PTPN20: variants seen among roughly 807,000 people sequenced by gnomAD.
The protein encoded by PTPN20 is tyrosine-protein phosphatase non-receptor type 20.
In PTPN20, 9 loss-of-function variants were observed where a neutral mutation model predicts 35.0. That is an observed-to-expected ratio of 0.26 (90% confidence interval 0.15 to 0.45). PTPN20 has a LOEUF of 0.45. Ranked by LOEUF, PTPN20 falls within the 20% of genes least tolerant of loss-of-function variation. The pLI, the probability that PTPN20 is intolerant of heterozygous loss-of-function variation, is 1.00. For synonymous variants in PTPN20, 32 were observed against 100.2 expected (o/e 0.32, Z 4.06); for missense variants, 111 against 312.5 (o/e 0.36, Z 4.86).
intron 2 of PTPN20, among the ~76,000 whole-genome samples, chr10:46,933,106 A>AT (rs2040280948): frequency 9.4e-6 from 1 of 106,752 alleles, no homozygotes; most frequent in Non-Finnish European, 1.8e-5. Context: ...CCCAGCTTCT[A>AT]TTCCCTCTTC....
At chr10:46,993,198 G>A (rs1377830891) in intron 9 of PTPN20, among the ~76,000 whole-genome samples, 1 of 152,332 alleles carries the variant, frequency 6.6e-6, no homozygotes, top group African/African-American at 2.4e-5. Context: ...GTGGGAAGGG[G>A]TAGCGATGAT....
intron 9 of PTPN20, among the ~76,000 whole-genome samples, chr10:46,992,915 C>A (rs2058270061): frequency 6.6e-6 from 1 of 152,060 alleles, no homozygotes. Context: ...TTCTTTGTAT[C>A]CCTTGTGGGT....
At chr10:46,958,952 A>G (rs1353039293) in intron 5 of PTPN20, among the ~76,000 whole-genome samples, 1 of 150,992 alleles carries the variant, frequency 6.6e-6, no homozygotes, top group Non-Finnish European at 1.5e-5. Context: ...AGCCTAACAC[A>G]TGCAAAATAT....
intron 5 of PTPN20, among the ~76,000 whole-genome samples, chr10:46,948,948 AG>A (rs1453790535): frequency 3.3e-5 from 5 of 149,760 alleles, no homozygotes; most frequent in Admixed American, 6.7e-5. Flanking sequence ...GTGTAGTGGT[AG>A]GAGTTTTGTA....
intron 4 of PTPN20, among the ~76,000 whole-genome samples, chr10:46,944,826 C>T (rs1222801376): frequency 1.4e-5 from 2 of 147,906 alleles, no homozygotes; most frequent in Admixed American, 6.6e-5. Flanking sequence ...ATTAGGGAAA[C>T]AGACATATAA....
chr10:46,959,795 G>T, intron 5 of PTPN20, among the ~76,000 whole-genome samples: 1 of 123,444 alleles, frequency 8.1e-6, no homozygotes, highest in Non-Finnish European at 1.7e-5. Flanking sequence ...TGACAGTTTT[G>T]ACCCCATCTC....
At chr10:47,000,467 G>A (rs1033510643) in intron 10 of PTPN20, among the ~76,000 whole-genome samples, 13 of 152,100 alleles carry the variant, frequency 8.5e-5, no homozygotes, top group Non-Finnish European at 1.3e-4. Context: ...AAGGTAACTA[G>A]TTCTAGGCCA....
At chr10:46,948,088 A>G (rs1235548230) in intron 5 of PTPN20, 1 of 370,290 alleles carries the variant, frequency 2.7e-6, no homozygotes, top group Non-Finnish European at 5.2e-6. Context: ...TTTGTATTTC[A>G]GTTAGGTAAT....
chr10:46,932,533 G>C lies in PTPN20; in HGVS notation c.34G>C (p.Val12Leu). The stretch of plus-strand genomic sequence containing the variant: ...ACCTAGGGACTTTAGAGCAGAGCCT[G>C]GTAGGTGCATCATCTACTTTTGTGG... Reference protein sequence around the residue: ...SSPRDFRAEPVNDYEGNDSEA... With the variant: ...SSPRDFRAEPLNDYEGNDSEA... The change falls in exon 2 of 11, where the codon GTA (valine) becomes CTA (leucine). Residue 12 changes from valine (V) to leucine (L), a missense_variant and splice_region_variant. Physicochemically the swap from Val to Leu is conservative, Grantham distance 32. Around this residue, in one of 5 missense-constraint regions of PTPN20, gnomAD observed 22 missense variants for 49.2 expected, o/e 0.45. Transcript: ENST00000374339. The C allele has an allele frequency of 6.2e-7, 1 of 1,612,034 alleles. No individual in the cohort carries two copies. Among genetic ancestry groups the C allele is most frequent in the Non-Finnish European group, 8.5e-7 (1 of 1,179,936 alleles).
intron 1 of PTPN20, among the ~76,000 whole-genome samples, chr10:46,929,822 C>A (rs1339870875): frequency 6.8e-6 from 1 of 146,810 alleles, no homozygotes; most frequent in Admixed American, 6.7e-5. Context: ...AGGTTTTCTT[C>A]TGCAAATGAA....
At position 46,988,858 on chromosome 10, in the gene PTPN20, T is replaced by C. The variant is rs1303314900; in HGVS notation, c.1134+1303T>C. Among the ~76,000 whole-genome samples the C allele has an allele frequency of 2.0e-5, 3 of 151,706 alleles. No individual in the cohort carries two copies. In the South Asian group the frequency reaches 6.2e-4, roughly 32 times the overall value. ...ATTTATCCTAGGTGTTTTTTTTTTT[T>C]AATAGCTATTGTAAATAAGATCACC... On this transcript the variant is annotated intron_variant, in intron 9 of 10. Transcript: ENST00000374339.
intron 2 of PTPN20, among the ~76,000 whole-genome samples, chr10:46,939,889 C>T (rs1258370472): frequency 2.6e-5 from 4 of 151,902 alleles, no homozygotes; most frequent in Non-Finnish European, 5.9e-5. Context: ...CACACTTTTT[C>T]ATTTCCATAG....
chr10:47,000,270 A>T (rs888240856), intron 10 of PTPN20, among the ~76,000 whole-genome samples: 26 of 152,230 alleles, frequency 1.7e-4, no homozygotes, highest in Non-Finnish European at 2.9e-5. Context: ...CTATTTAAGT[A>T]ACATCTAAAG....
At chr10:46,995,639 C>T (rs1469142408) in intron 9 of PTPN20, among the ~76,000 whole-genome samples, 1 of 152,152 alleles carries the variant, frequency 6.6e-6, no homozygotes, top group African/African-American at 2.4e-5. Flanking sequence ...AGTCCCACCT[C>T]ACCTGTTTGT....
At chr10:46,932,724 CAATT>C (rs2040146245) in intron 2 of PTPN20, among the ~76,000 whole-genome samples, 191 bp downstream of exon 2, 1 of 151,100 alleles carries the variant, frequency 6.6e-6, no homozygotes, top group Non-Finnish European at 1.5e-5. Context: ...AGAGTAACAA[CAATT>C]AAACTCTAGT....
rs2052413279 is a variant in PTPN20, at chr10:46,972,256, A to AATGAGCAAAATGAGCAG, written c.583+4210_583+4211insTGAGCAAAATGAGCAGA. Among the ~76,000 whole-genome samples, 10 of 151,970 alleles carry AATGAGCAAAATGAGCAG rather than the reference A, an allele frequency of 6.6e-5. No homozygotes were observed. In the South Asian group the frequency reaches 2.1e-3, roughly 32 times the overall value. ...AAATCAAGAAGAGGACAAATAACCC[A>AATGAGCAAAATGAGCAG]ACACTAAATGAGCAAAAAATTTGAG... On this transcript the variant is annotated intron_variant, in intron 7 of 10. Transcript: ENST00000374339.
intron 2 of PTPN20, among the ~76,000 whole-genome samples, chr10:46,935,871 A>G (rs1157966588): frequency 2.0e-5 from 3 of 152,132 alleles, no homozygotes; most frequent in African/African-American, 4.8e-5. Context: ...TCATTGAGAA[A>G]TCTCCAAACC....
chr10:46,987,928 G>GA (rs1389133062), intron 9 of PTPN20, among the ~76,000 whole-genome samples: 1 of 141,674 alleles, frequency 7.1e-6, no homozygotes, highest in African/African-American at 2.6e-5. Context: ...AAGAATGTGA[G>GA]AAAAAATGTA....
chr10:47,000,663 T>C lies in PTPN20; in HGVS notation c.1198-13T>C. ...ACTTAACATTCTGTTGTTTTTTATATATATGTATATAGGAGCAGTATCACT... is the reference window on the plus strand; with the variant it reads ...ACTTAACATTCTGTTGTTTTTTATACATATGTATATAGGAGCAGTATCACT... On this transcript the variant is annotated splice_polypyrimidine_tract_variant and intron_variant, in intron 10 of 10. Coordinates refer to ENST00000374339, the MANE Select transcript of PTPN20 (RefSeq NM_001042357.5). 1.2e-6 allele frequency: 2 copies of C among 1,612,900 alleles called. No homozygotes were observed. The highest frequency in any genetic ancestry group is 2.2e-5 in the South Asian group (2 of 90,990).
Sources: gnomAD v4.1 joint callset for allele counts (sites outside exome capture counted in the v4.1 genomes callset) on GRCh38, gnomAD v4.1.1 for gene constraint, gnomAD v4.1.1 regional missense constraint, MANE v1.5 for transcripts, NCBI Gene and HGNC (gene_info 2026-07-23, HGNC 2026-07-21) for gene names.